The following OTOG variants were observed in gnomAD, a reference collection of about 807,000 sequenced individuals.
OTOG encodes the protein otogelin.
A neutral mutation model predicts 313.8 loss-of-function variants in OTOG; 296 were observed. The observed-to-expected ratio is 0.94, with a 90% CI of 0.86 to 1.04. OTOG has a LOEUF of 1.04. Among genes scored for constraint, OTOG ranks in the 50% least tolerant of loss-of-function variants. OTOG has a pLI of 0.00. For missense variants in OTOG, 3,948 were observed against 3,840.1 expected (o/e 1.03, Z -0.74); for synonymous variants, 1,533 against 1,554.9 (o/e 0.99, Z 0.33).
chr11:17,613,195 T>TTTCCTTTCTTTCTTTCTTTC (rs1401646180), intron 38 of OTOG, among the ~76,000 whole-genome samples: 8 of 65,368 alleles, frequency 1.2e-4, no homozygotes, highest in Admixed American at 1.2e-3. Flanking sequence ...TCTTTCTTTC[T>TTTCCTTTCTTTCTTTCTTTC]TTTCTTTCTT....
intron 17 of OTOG, among the ~76,000 whole-genome samples, chr11:17,571,730 T>C (rs983141558): frequency 6.6e-6 from 1 of 152,112 alleles, no homozygotes; most frequent in African/African-American, 2.4e-5. Context: ...TTGAGCCCTT[T>C]TGGGACCTGT....
chr11:17,642,086 A>G lies in OTOG; in HGVS notation c.8296-41A>G, dbSNP rs1413225000. The G allele has an allele frequency of 3.3e-6, 5 of 1,520,608 alleles. No individual in the cohort carries two copies. In the East Asian group the frequency reaches 1.2e-4, roughly 38 times the overall value. The allele number at this position is 1,520,608 out of a possible 1,614,324, so 94.2% of individuals were successfully genotyped here. A position where few individuals can be genotyped will look rare whatever the true frequency, so the allele number is the denominator to read the frequency against. On this transcript the variant is annotated intron_variant, in intron 52 of 55. Transcript: ENST00000399397. ...CCCTATGGGTTTGCGCAGGCTGTCC[A>G]TCTGGCCACAGCTCCCATTACCTAC...
At chr11:17,548,740 C>A (rs551923312) in intron 3 of OTOG, among the ~76,000 whole-genome samples, 9 of 151,500 alleles carry the variant, frequency 5.9e-5, no homozygotes. Context: ...TTTTTTGAGT[C>A]GGGGTCTTGC....
intron 39 of OTOG, among the ~76,000 whole-genome samples, chr11:17,628,821 G>A (rs1854045715): frequency 6.6e-6 from 1 of 152,250 alleles, no homozygotes; most frequent in African/African-American, 2.4e-5. Flanking sequence ...CAGGAAAGAA[G>A]AGAGTGATTG....
chr11:17,624,699 A>G (rs1436070442), intron 39 of OTOG, among the ~76,000 whole-genome samples: 2 of 152,074 alleles, frequency 1.3e-5, no homozygotes, highest in Non-Finnish European at 2.9e-5. Flanking sequence ...GAAGAATGTC[A>G]TTGGTAGTTT....
chr11:17,593,826 G>A (rs1853018443), intron 27 of OTOG, 70 bp downstream of exon 27: 1 of 1,519,376 alleles, frequency 6.6e-7, no homozygotes, highest in Non-Finnish European at 8.9e-7. Flanking sequence ...CCTTGGGTGA[G>A]CTGTACCCTC....
Position 17,559,084 on chromosome 11 carries a change from C to A in OTOG, c.1136C>A (p.Ala379Glu). The change falls in exon 11 of 56, where the codon GCA becomes GAA. Residue 379 changes from alanine (A) to glutamate (E), a missense_variant. By Grantham distance (107) the Ala-to-Glu change is moderately radical. Coordinates refer to ENST00000399397, the MANE Select transcript of OTOG (RefSeq NM_001292063.2). ...SMGDVATWCR[A>E]LAEYARACAQ... ...GGTGATGTAGCCACCTGGTGCCGGG[C>A]ACTGGCGGAGTATGCCCGGGCGTGT... The A allele has an allele frequency of 1.3e-6, 2 of 1,547,524 alleles. No individual in the cohort carries two copies. Among genetic ancestry groups the A allele is most frequent in the Non-Finnish European group, 1.7e-6 (2 of 1,146,976 alleles).
chr11:17,557,426 G>A, intron 8 of OTOG, 103 bp downstream of exon 8: 1 of 1,184,002 alleles, frequency 8.4e-7, no homozygotes, highest in East Asian at 2.6e-5. Flanking sequence ...CTGGGGTCGT[G>A]GTCATGGTAT....
intron 17 of OTOG, 80 bp downstream of exon 17, chr11:17,570,470 T>C: frequency 7.3e-7 from 1 of 1,378,908 alleles, no homozygotes; most frequent in Non-Finnish European, 9.9e-7. Flanking sequence ...ACTGCCTAAA[T>C]GTCTCTCCCG....
At chr11:17,547,753 T>C (rs1851841116) in intron 1 of OTOG, among the ~76,000 whole-genome samples, 174 bp from the exon 2 acceptor site, 1 of 151,726 alleles carries the variant, frequency 6.6e-6, no homozygotes, top group Non-Finnish European at 1.5e-5. Context: ...AGGGAGATCC[T>C]GGCTGGAGAA....
At chr11:17,548,245 G>A in intron 3 of OTOG, 33 bp downstream of exon 3, 2 of 1,517,624 alleles carry the variant, frequency 1.3e-6, no homozygotes, top group Non-Finnish European at 1.8e-6. Flanking sequence ...GCTTCATTGA[G>A]CAGGAGCTCA....
At chr11:17,607,150 G>A (rs975381744) in intron 33 of OTOG, among the ~76,000 whole-genome samples, 11 of 152,352 alleles carry the variant, frequency 7.2e-5, no homozygotes, top group Admixed American at 2.0e-4. Context: ...GCTGTGTCTC[G>A]CGGGCTTTGC....
chr11:17,629,145 T>A lies in OTOG; in HGVS notation c.6541T>A (p.Leu2181Met), dbSNP rs1197117385. 1.9e-6 allele frequency: 3 copies of A among 1,550,120 alleles called. No homozygotes were observed. Among genetic ancestry groups the A allele is most frequent in the Admixed American group, 2.0e-5 (1 of 50,946 alleles). ...ATTCCCTCCCAAGGTGACTGTGGAC[T>A]TGCAGCCTGTGTGGCCACCGGTGAG... is the stretch of plus-strand genomic sequence containing the variant. ...DRFNRKVTVDLQPVWPPVSRY... is the reference protein window; with the variant it reads ...DRFNRKVTVDMQPVWPPVSRY... The change falls in exon 40 of 56, where the codon TTG becomes ATG. Residue 2181 changes from leucine (L) to methionine (M), a missense_variant. Leu to Met is a conservative substitution (Grantham distance 15). Coordinates refer to ENST00000399397, the MANE Select transcript of OTOG (RefSeq NM_001292063.2).
At chr11:17,626,391 G>A (rs1040257654) in intron 39 of OTOG, among the ~76,000 whole-genome samples, 1 of 152,156 alleles carries the variant, frequency 6.6e-6, no homozygotes, top group Non-Finnish European at 1.5e-5. Flanking sequence ...GGCCAGGCTG[G>A]TCTCAAACTC....
chr11:17,558,049 G>C (rs1852092102), intron 8 of OTOG, 136 bp from the exon 9 acceptor site: 1 of 1,122,806 alleles, frequency 8.9e-7, no homozygotes, highest in African/African-American at 1.6e-5. Context: ...CCCTGATTGG[G>C]ATGGGAGCTC....
chr11:17,559,272 G>A, intron 11 of OTOG, 111 bp downstream of exon 11: 2 of 1,008,772 alleles, frequency 2.0e-6, no homozygotes, highest in Non-Finnish European at 1.4e-6. Context: ...AGAACTCTCA[G>A]CCCCGAGGTT....
At chr11:17,549,392 AG>A (rs1242811653) in intron 3 of OTOG, among the ~76,000 whole-genome samples, 1 of 152,176 alleles carries the variant, frequency 6.6e-6, no homozygotes, top group Non-Finnish European at 1.5e-5. Context: ...AGGTGGAGTG[AG>A]GGGGGATGGT....
rs1166195427 is a variant in OTOG at position 17,560,958 on chromosome 11, C to A, written c.1452-133C>A. The stretch of plus-strand genomic sequence containing the variant: ...GAGTCCCAGGGGAGTCTCATTAGAT[C>A]CAATCCATGGGGGAAATCTCTACCA... On this transcript the variant is annotated intron_variant, in intron 13 of 55. Transcript: ENST00000399397. 9 of 1,230,710 alleles carry A rather than the reference C, an allele frequency of 7.3e-6. No homozygotes were observed. In the South Asian group the frequency reaches 9.5e-5, roughly 13 times the overall value. The allele number at this position is 1,230,710 out of a possible 1,614,324, so 76.2% of individuals were successfully genotyped here. A position where few individuals can be genotyped will look rare whatever the true frequency, so the allele number is the denominator to read the frequency against.
At chr11:17,609,577 A>AC in intron 35 of OTOG, 78 bp from the exon 36 acceptor site, 4 of 1,291,714 alleles carry the variant, frequency 3.1e-6, no homozygotes, top group Non-Finnish European at 4.2e-6. Context: ...CTCAAGCCTC[A>AC]CACCACAGCC....
Sources: allele counts gnomAD v4.1 joint callset (sites outside exome capture counted in the v4.1 genomes callset), GRCh38; gene constraint gnomAD v4.1.1; transcripts MANE v1.5; gene names NCBI Gene and HGNC (gene_info 2026-07-23, HGNC 2026-07-21).